The following SEMA3A variants were observed in gnomAD, a reference collection of about 807,000 sequenced individuals.
SEMA3A encodes semaphorin-3A.
Under a neutral mutation model 97.9 loss-of-function variants are expected in SEMA3A, and 29 were observed. The ratio of observed to expected loss-of-function variants is 0.30; its 90% confidence interval spans 0.22 to 0.40. The LOEUF is 0.40. Among genes scored for constraint, SEMA3A ranks in the 10% least tolerant of loss-of-function variants. SEMA3A has a pLI of 1.00. For synonymous variants in SEMA3A, 321 were observed against 323.7 expected (o/e 0.99, Z 0.09); for missense variants, 763 against 951.3 (o/e 0.80, Z 2.60).
chr7:84,191,538 T>G (rs561842257), intron 1 of SEMA3A, among the ~76,000 whole-genome samples: 46 of 151,966 alleles, frequency 3.0e-4, no homozygotes, highest in Admixed American at 7.2e-4. Flanking sequence ...CTTCATTGTA[T>G]CACATATCCC....
chr7:84,069,212 C>T (rs1247805513), intron 4 of SEMA3A, among the ~76,000 whole-genome samples: 3 of 152,058 alleles, frequency 2.0e-5, no homozygotes, highest in South Asian at 2.1e-4. Context: ...ATGTTGAAAT[C>T]GGGCAGAACT....
Position 83,980,617 on chromosome 7 carries a change from A to T in SEMA3A, c.1652+704T>A, listed in dbSNP as rs1338531766. Among the ~76,000 whole-genome samples the T allele has an allele frequency of 6.3e-4, 53 of 83,604 alleles. 1 individual carries two copies. The highest frequency in any genetic ancestry group is 4.4e-3 in the East Asian group (12 of 2,756). The allele number at this position is 83,604 out of a possible 152,430, so 54.8% of individuals were successfully genotyped here. The stretch of plus-strand genomic sequence containing the variant: ...AGACTCCATCTCAAAAAAAAAAAAA[A>T]AAAAAAATATATATATATATATACA... On this transcript the variant is annotated intron_variant, in intron 14 of 16. Coordinates refer to ENST00000265362, the MANE Select transcript of SEMA3A (RefSeq NM_006080.3).
chr7:83,989,155 A>C (rs1487966788), intron 12 of SEMA3A, among the ~76,000 whole-genome samples: 1 of 152,162 alleles, frequency 6.6e-6, no homozygotes, highest in Non-Finnish European at 1.5e-5. Context: ...TAAAGTTTAC[A>C]ATCGAAATTC....
At chr7:84,068,188 C>T (rs1475712712) in intron 4 of SEMA3A, among the ~76,000 whole-genome samples, 1 of 144,402 alleles carries the variant, frequency 6.9e-6, no homozygotes, top group African/African-American at 2.7e-5. Context: ...AAACCAAACA[C>T]CGCATATTCT....
chr7:84,359,937 T>C (rs111498354), intron 2 of SEMA3A, among the ~76,000 whole-genome samples: 40,271 of 147,160 alleles, frequency 0.27, 5,927 homozygotes, highest in African/African-American at 0.36. Context: ...GAGGTGTTTG[T>C]AGTATTCTCT....
intron 1 of SEMA3A, among the ~76,000 whole-genome samples, chr7:84,135,925 T>C (rs903596511): frequency 6.6e-6 from 1 of 152,206 alleles, no homozygotes; most frequent in African/African-American, 2.4e-5. Context: ...AGGCAAATAC[T>C]AAACAATATA....
intron 15 of SEMA3A, among the ~76,000 whole-genome samples, chr7:83,973,447 G>C (rs1789000431): frequency 6.6e-6 from 1 of 151,722 alleles, no homozygotes; most frequent in African/African-American, 2.4e-5. Flanking sequence ...TCTGAGACTT[G>C]ATGAAATTTG....
chr7:84,338,730 A>G (rs1371250392), intron 2 of SEMA3A, among the ~76,000 whole-genome samples: 1 of 152,188 alleles, frequency 6.6e-6, no homozygotes, highest in African/African-American at 2.4e-5. Flanking sequence ...CTATCTTCAC[A>G]TGGACCTTCT....
intron 3 of SEMA3A, among the ~76,000 whole-genome samples, chr7:84,232,187 T>A (rs928781605): frequency 6.0e-5 from 9 of 150,184 alleles, no homozygotes; most frequent in African/African-American, 2.2e-4. Context: ...GTATCACTTA[T>A]GAGAAAGAGG....
At chr7:84,062,458 A>G (rs541359154) in intron 4 of SEMA3A, among the ~76,000 whole-genome samples, 12 of 152,336 alleles carry the variant, frequency 7.9e-5, no homozygotes, top group African/African-American at 2.9e-4. Context: ...TACGGCTCCC[A>G]GAGTGAGCGA....
chr7:84,354,215 T>C lies in SEMA3A; in HGVS notation c.-169+17609A>G, dbSNP rs141203894. Among the ~76,000 whole-genome samples the C allele has an allele frequency of 2.3e-3, 279 of 119,536 alleles. 1 individual carries two copies. Among genetic ancestry groups the C allele is most frequent in the African/African-American group, 8.4e-3 (273 of 32,574 alleles). The allele number at this position is 119,536 out of a possible 152,430, so 78.4% of individuals were successfully genotyped here. On this transcript the variant is annotated intron_variant, in intron 2 of 3. Transcript: ENST00000424555. The stretch of plus-strand genomic sequence containing the variant: ...ACAATGTATTTCCCTCAGTATGAAA[T>C]CTCTGCTTATTATCTGCTTGATCTA...
intron 12 of SEMA3A, 102 bp from the exon 13 acceptor site, chr7:83,985,579 TCAGTGTCCACAA>T: frequency 3.4e-6 from 3 of 894,718 alleles, no homozygotes; most frequent in Non-Finnish European, 5.5e-6. Flanking sequence ...GAGAGAAACT[TCAGTGTCCACAA>T]GAAGCAATGT....
chr7:84,110,613 A>C (rs777241827), intron 3 of SEMA3A, 24 bp from the exon 4 acceptor site: 1 of 1,613,056 alleles, frequency 6.2e-7, no homozygotes. Context: ...GGAAAACCAA[A>C]GAGTTTCAGC....
At chr7:84,372,820 G>A (rs574288487) in intron 1 of SEMA3A, among the ~76,000 whole-genome samples, 1 of 152,166 alleles carries the variant, frequency 6.6e-6, no homozygotes, top group South Asian at 2.1e-4. Context: ...TGTATTACTG[G>A]CACTACTTCT....
At chr7:84,066,105 G>C (rs1430922945) in intron 4 of SEMA3A, among the ~76,000 whole-genome samples, 1 of 151,472 alleles carries the variant, frequency 6.6e-6, no homozygotes, top group Non-Finnish European at 1.5e-5. Flanking sequence ...GGGATGCAAG[G>C]CTGGTTTAAT....
intron 1 of SEMA3A, among the ~76,000 whole-genome samples, chr7:84,403,730 G>T (rs1006949572): frequency 6.6e-6 from 1 of 152,132 alleles, no homozygotes. Context: ...AACATTTGCG[G>T]TTCACCAATA....
intron 16 of SEMA3A, among the ~76,000 whole-genome samples, chr7:83,962,588 T>A (rs2116252619): frequency 6.6e-6 from 1 of 152,284 alleles, no homozygotes; most frequent in African/African-American, 2.4e-5. Flanking sequence ...CTGTTTATGC[T>A]TATTTAAGGC....
At chr7:84,147,641 C>T (rs973549145) in intron 1 of SEMA3A, among the ~76,000 whole-genome samples, 3 of 152,058 alleles carry the variant, frequency 2.0e-5, no homozygotes, top group Non-Finnish European at 4.4e-5. Flanking sequence ...ACAACAGGTG[C>T]TCAGTAAGTA....
rs578185073 is a variant in SEMA3A at position 84,229,978 on chromosome 7, AC to A, written c.-82-35311del. On this transcript the variant is annotated intron_variant, in intron 3 of 3. Coordinates refer to the SEMA3A transcript ENST00000424555. ...ATTAACTGGGACTGGCTCTGATCTTACCCCCCCTTTACTCTACTCAGTTCTC... is the reference window on the plus strand; with the variant it reads ...ATTAACTGGGACTGGCTCTGATCTTACCCCCCTTTACTCTACTCAGTTCTC... 4.6e-5 allele frequency among the ~76,000 whole-genome samples: 7 copies of A among 151,556 alleles called. No individual in the cohort carries two copies. In the East Asian group the frequency reaches 1.4e-3, roughly 30 times the overall value.
Sources: allele counts gnomAD v4.1 joint callset (sites outside exome capture counted in the v4.1 genomes callset), GRCh38; gene constraint gnomAD v4.1.1; transcripts MANE v1.5; gene names NCBI Gene and HGNC (gene_info 2026-07-23, HGNC 2026-07-21).